The following MACF1 variants were observed in gnomAD, a reference collection of about 807,000 sequenced individuals.
The protein encoded by MACF1 is microtubule-actin cross-linking factor 1.
A neutral mutation model predicts 854.8 loss-of-function variants in MACF1; 193 were observed. The observed-to-expected ratio is 0.23, with a 90% CI of 0.20 to 0.25. MACF1 has a LOEUF of 0.25. Among genes scored for constraint, MACF1 ranks in the 10% least tolerant of loss-of-function variants. The pLI is 1.00. For missense variants in MACF1, 7,722 were observed against 8,929.1 expected, an observed-to-expected ratio of 0.86 and a Z score of 5.45; for synonymous variants, 3,185 against 3,226.7, an observed-to-expected ratio of 0.99 and a Z score of 0.44.
chr1:39,324,179 A>G lies in MACF1; in HGVS notation c.4237-14A>G, dbSNP rs1323500976. ...GACATTGCTAGCATATTGATTTTCT[A>G]TTTCCTATTCTAGAAAGTGGTAGAA... On this transcript the variant is annotated splice_polypyrimidine_tract_variant and intron_variant, in intron 33 of 100. Coordinates refer to ENST00000564288, the MANE Select transcript of MACF1 (RefSeq NM_001394062.1). The G allele has an allele frequency of 2.5e-6, 4 of 1,579,168 alleles. No homozygotes were observed. The African/African-American group carries it at 4.1e-5, about 16-fold the overall frequency.
At chr1:39,373,483 A>G (rs1649436026) in intron 52 of MACF1, 5 of 104,702 alleles carry the variant, frequency 4.8e-5, no homozygotes, top group Admixed American at 2.0e-4. Flanking sequence ...GAAAAAAAAA[A>G]AAAAAAAAAA....
intron 23 of MACF1, among the ~76,000 whole-genome samples, chr1:39,307,652 A>G (rs1646210207): frequency 6.6e-6 from 1 of 151,978 alleles, no homozygotes; most frequent in Non-Finnish European, 1.5e-5. Flanking sequence ...GGCTCAGTGC[A>G]ATCTCTGCCT....
intron 2 of MACF1, among the ~76,000 whole-genome samples, chr1:39,123,127 A>G (rs973243699): frequency 2.0e-5 from 3 of 152,038 alleles, no homozygotes; most frequent in Non-Finnish European, 4.4e-5. Context: ...CAGAAGCAGA[A>G]TAGCATAACT....
chr1:39,097,482 G>A (rs867084482), intron 2 of MACF1, among the ~76,000 whole-genome samples: 96 of 152,220 alleles, frequency 6.3e-4, no homozygotes, highest in African/African-American at 2.1e-3. Flanking sequence ...AGAACTTTAG[G>A]AGGCCAAGGT....
chr1:39,138,983 T>C (rs1313649111), intron 2 of MACF1, among the ~76,000 whole-genome samples: 1 of 152,154 alleles, frequency 6.6e-6, no homozygotes, highest in Non-Finnish European at 1.5e-5. Flanking sequence ...ATAATTTTTA[T>C]GAACTGTCTG....
intron 31 of MACF1, among the ~76,000 whole-genome samples, chr1:39,321,955 G>A (rs1167529192): frequency 2.0e-5 from 3 of 152,208 alleles, no homozygotes; most frequent in Non-Finnish European, 4.4e-5. Context: ...AGCAGTGAAA[G>A]TACCTAAGAG....
chr1:39,294,062 C>A (rs1234928754), intron 18 of MACF1, among the ~76,000 whole-genome samples: 1 of 152,102 alleles, frequency 6.6e-6, no homozygotes, highest in Non-Finnish European at 1.5e-5. Flanking sequence ...TATTCCCCAA[C>A]GGTTGCATAA....
chr1:39,145,062 G>T (rs1419052221), intron 2 of MACF1, among the ~76,000 whole-genome samples: 1 of 151,848 alleles, frequency 6.6e-6, no homozygotes, highest in South Asian at 2.1e-4. Flanking sequence ...TCTATCCCCA[G>T]TGCTGGACCT....
chr1:39,206,972 A>T (rs1195104266), intron 1 of MACF1: 3 of 151,246 alleles, frequency 2.0e-5, no homozygotes, highest in Non-Finnish European at 4.4e-5. Context: ...GCTTCTTCTG[A>T]TGTAGTCTTT....
rs588326 is a variant in MACF1, at chr1:39,443,054, A to G, written c.19302+143A>G. 242,827 of 763,472 alleles carry G rather than the reference A, an allele frequency of 0.32. 43,523 individuals are homozygous for G. The highest frequency in any genetic ancestry group is 0.67 in the African/African-American group (37,999 of 56,714). 47.3% of individuals were successfully genotyped at this position (763,472 alleles called of 1,614,324 possible). A position where few individuals can be genotyped will look rare whatever the true frequency, so the allele number is the denominator to read the frequency against. On this transcript the variant is annotated intron_variant, in intron 78 of 100. Transcript: ENST00000564288. ...GTTAATACTGTGCTGTAACTTATCT[A>G]GAAAGAGCAGCTTTTGATTGGGTAG... is the stretch of plus-strand genomic sequence containing the variant.
chr1:39,105,169 C>T lies in MACF1; in HGVS notation c.220+20731C>T, dbSNP rs1201058780. On this transcript the variant is annotated intron_variant, in intron 2 of 93. Transcript: ENST00000361689. This position sits in a 1 kb window ranked among gnomAD's most constrained non-coding sequence, Gnocchi z 5.9. ...GCGCCCCTCGGCTCGGGCCCCAGTC[C>T]GGGCCGGGCGGGGGTCGGCAGCCCC... is the stretch of plus-strand genomic sequence containing the variant. 6.6e-6 allele frequency among the ~76,000 whole-genome samples: 1 copy of T among 151,784 alleles called. No individual in the cohort carries two copies. The highest frequency in any genetic ancestry group is 1.5e-5 in the Non-Finnish European group (1 of 67,904).
chr1:39,197,262 A>C (rs1644331725), intron 2 of MACF1, among the ~76,000 whole-genome samples: 1 of 151,864 alleles, frequency 6.6e-6, no homozygotes, highest in East Asian at 1.9e-4. Flanking sequence ...CACACACACA[A>C]GCTGCAGATA....
intron 2 of MACF1, among the ~76,000 whole-genome samples, chr1:39,177,973 A>G (rs1644053225): frequency 1.3e-5 from 2 of 152,036 alleles, no homozygotes; most frequent in Non-Finnish European, 2.9e-5. Context: ...ATTTCAATCA[A>G]GTTGAGAAAT....
At chr1:39,128,710 A>G (rs75952858) in intron 2 of MACF1, among the ~76,000 whole-genome samples, 1 of 152,080 alleles carries the variant, frequency 6.6e-6, no homozygotes, top group Non-Finnish European at 1.5e-5. Context: ...AAAAAAAAAA[A>G]AGATTTCTGC....
chr1:39,477,731 A>G (rs570949964), intron 97 of MACF1, among the ~76,000 whole-genome samples: 6 of 152,098 alleles, frequency 3.9e-5, no homozygotes, highest in East Asian at 3.9e-4. Context: ...CGTGGGTTCT[A>G]GGTCCACCTC....
intron 2 of MACF1, among the ~76,000 whole-genome samples, chr1:39,170,147 T>C (rs1051856328): frequency 2.6e-5 from 4 of 152,186 alleles, no homozygotes; most frequent in African/African-American, 7.2e-5. Context: ...GAAATCTGTC[T>C]ATTCCTTCAA....
At chr1:39,393,194 A>ATATATATATATATATATAT (rs1354096240) in intron 58 of MACF1, among the ~76,000 whole-genome samples, 1 of 79,248 alleles carries the variant, frequency 1.3e-5, no homozygotes. Flanking sequence ...AAAAAAAAAA[A>ATATATATATATATATATAT]AAATATATAT....
chr1:39,461,543 C>T (rs112836713), intron 92 of MACF1, among the ~76,000 whole-genome samples: 4,396 of 152,104 alleles, frequency 0.029, 193 homozygotes, highest in African/African-American at 0.1. Flanking sequence ...AATCCCAGCA[C>T]TTTGGGAGGC....
chr1:39,171,825 A>G (rs967579893), intron 2 of MACF1, among the ~76,000 whole-genome samples: 1 of 151,794 alleles, frequency 6.6e-6, no homozygotes. Context: ...ACGGGGTTTC[A>G]CCATGTTAGC....
Sources: gnomAD v4.1 joint callset for allele counts (sites outside exome capture counted in the v4.1 genomes callset) on GRCh38, gnomAD v4.1.1 for gene constraint, Gnocchi (gnomAD v3.1) non-coding constraint, MANE v1.5 for transcripts, NCBI Gene and HGNC (gene_info 2026-07-23, HGNC 2026-07-21) for gene names.